The following SH3PXD2A variants were observed in gnomAD, a reference collection of about 807,000 sequenced individuals.
The protein encoded by SH3PXD2A is SH3 and PX domain-containing protein 2A.
In SH3PXD2A, 32 loss-of-function variants were observed where a neutral mutation model predicts 115.2. The observed-to-expected ratio is 0.28, with a 90% CI of 0.21 to 0.37. The LOEUF is 0.37. Among genes scored for constraint, SH3PXD2A ranks in the 10% least tolerant of loss-of-function variants. The pLI is 1.00. For missense variants in SH3PXD2A, 1,328 were observed against 1,498.7 expected (o/e 0.89, Z 1.88); for synonymous variants, 610 against 629.1 (o/e 0.97, Z 0.45).
rs1448192749 is a variant in SH3PXD2A, at chr10:103,644,120, A to C, written c.604+16863T>G. Among the ~76,000 whole-genome samples, 373 of 148,506 alleles carry C rather than the reference A, an allele frequency of 2.5e-3. 1 individual carries two copies. The highest frequency in any genetic ancestry group is 8.9e-3 in the African/African-American group (360 of 40,660). On this transcript the variant is annotated intron_variant, in intron 8 of 14. Transcript: ENST00000369774. Reference sequence around the variant, plus strand: ...ACAGAGCGAGGCTCCATCCCAAAAAAAAAAAAAAAAAAAAAAAAAGAATCT... The same window carrying C: ...ACAGAGCGAGGCTCCATCCCAAAAACAAAAAAAAAAAAAAAAAAAGAATCT...
intron 8 of SH3PXD2A, among the ~76,000 whole-genome samples, chr10:103,635,958 C>A (rs1390704030): frequency 6.6e-6 from 1 of 152,198 alleles, no homozygotes; most frequent in African/African-American, 2.4e-5. Flanking sequence ...GGAGGATGTC[C>A]CAGCCCCGGG....
chr10:103,806,258 C>T (rs1049733743), intron 1 of SH3PXD2A, among the ~76,000 whole-genome samples: 2 of 152,020 alleles, frequency 1.3e-5, no homozygotes, highest in Non-Finnish European at 2.9e-5. Flanking sequence ...TAGCAAGAGA[C>T]CTCCCTGGAG....
In SH3PXD2A at chr10:103,784,050, C is replaced by T. The variant is rs1362947807; in HGVS notation, c.154-16881G>A. Among the ~76,000 whole-genome samples the T allele has an allele frequency of 6.6e-6, 1 of 152,256 alleles. No homozygotes were observed. Among genetic ancestry groups the T allele is most frequent in the Non-Finnish European group, 1.5e-5 (1 of 68,040 alleles). On this transcript the variant is annotated intron_variant, in intron 2 of 14. Transcript: ENST00000369774. The surrounding 1 kb of genome is among the most constrained non-coding windows in gnomAD (Gnocchi z 4.4). ...GCCCACCCTGGTGCCCAGCTGCAGG[C>T]TACTTCTCCAGGTGGCAGCCCAGCT...
chr10:103,794,974 C>T (rs1325092185), intron 2 of SH3PXD2A, among the ~76,000 whole-genome samples: 1 of 152,172 alleles, frequency 6.6e-6, no homozygotes, highest in Non-Finnish European at 1.5e-5. Context: ...CAGGGGGCAA[C>T]TCAGGAAGGG....
intron 3 of SH3PXD2A, among the ~76,000 whole-genome samples, chr10:103,742,435 A>T (rs1387032893): frequency 2.0e-5 from 3 of 152,210 alleles, no homozygotes; most frequent in Non-Finnish European, 4.4e-5. Context: ...CCCTATATCC[A>T]GGATGATCTA....
intron 1 of SH3PXD2A, among the ~76,000 whole-genome samples, chr10:103,821,665 G>T (rs2039381757): frequency 6.6e-6 from 1 of 151,976 alleles, no homozygotes; most frequent in Non-Finnish European, 1.5e-5. Flanking sequence ...CCATCCTCCT[G>T]CCTCAGCTCC....
intron 8 of SH3PXD2A, among the ~76,000 whole-genome samples, chr10:103,651,264 C>A (rs185637931): frequency 6.6e-5 from 10 of 152,200 alleles, no homozygotes; most frequent in Non-Finnish European, 1.0e-4. Context: ...ACTGACCTAC[C>A]CACACAGACC....
intron 1 of SH3PXD2A, among the ~76,000 whole-genome samples, chr10:103,850,276 G>A (rs2134329947): frequency 6.6e-6 from 1 of 152,152 alleles, no homozygotes; most frequent in Admixed American, 6.5e-5. Context: ...TTTCTACCCT[G>A]GTTTGCCCCC....
chr10:103,791,461 C>A (rs7092722), intron 2 of SH3PXD2A, among the ~76,000 whole-genome samples: 110,345 of 152,042 alleles, frequency 0.73, 40,641 homozygotes, highest in East Asian at 0.96. Flanking sequence ...TATCTGACAA[C>A]TCCCAGCGGC....
At chr10:103,832,006 T>C (rs550092979) in intron 1 of SH3PXD2A, among the ~76,000 whole-genome samples, 7 of 152,344 alleles carry the variant, frequency 4.6e-5, no homozygotes, top group Admixed American at 2.0e-4. Context: ...TCCATTTTTA[T>C]GGCAGAATTA....
At chr10:103,637,002 C>T (rs2036877055) in intron 8 of SH3PXD2A, among the ~76,000 whole-genome samples, 1 of 152,218 alleles carries the variant, frequency 6.6e-6, no homozygotes, top group Non-Finnish European at 1.5e-5. Context: ...TGGGGATGCC[C>T]AGTGGCATCA....
At chr10:103,753,089 G>A (rs965176615) in intron 3 of SH3PXD2A, among the ~76,000 whole-genome samples, 2 of 152,004 alleles carry the variant, frequency 1.3e-5, no homozygotes, top group Non-Finnish European at 2.9e-5. Context: ...ACACCCTGGT[G>A]CAGGCAACAT....
intron 1 of SH3PXD2A, among the ~76,000 whole-genome samples, chr10:103,826,006 G>A (rs1198771141): frequency 2.6e-5 from 4 of 151,978 alleles, no homozygotes; most frequent in Non-Finnish European, 5.9e-5. Context: ...CTCGTGATCG[G>A]CCCACCTCGG....
chr10:103,600,779 A>G lies in SH3PXD2A; in HGVS notation c.*1037T>C, dbSNP rs2036203495. On this transcript the variant is annotated 3_prime_UTR_variant, in exon 15 of 15. Transcript: ENST00000369774. ...CGCCAAGCTCCAGCACAGTCCACAC[A>G]GTGGAAACCAAATGAAACGACTTTG... is the stretch of plus-strand genomic sequence containing the variant. 6.6e-6 allele frequency: 1 copy of G among 152,230 alleles called. No homozygotes were observed. The highest frequency in any genetic ancestry group is 2.1e-4 in the South Asian group (1 of 4,836). The allele number at this position is 152,230 out of a possible 1,614,324, so 9.4% of individuals were successfully genotyped here. A position where few individuals can be genotyped will look rare whatever the true frequency, so the allele number is the denominator to read the frequency against.
At chr10:103,804,092 G>C (rs1232987644) in intron 1 of SH3PXD2A, among the ~76,000 whole-genome samples, 2 of 152,078 alleles carry the variant, frequency 1.3e-5, no homozygotes, top group African/African-American at 4.8e-5. Flanking sequence ...AAGCCTCCAG[G>C]CAGCAGGCTT....
chr10:103,759,806 A>T (rs2134215979), intron 3 of SH3PXD2A, among the ~76,000 whole-genome samples: 1 of 152,314 alleles, frequency 6.6e-6, no homozygotes, highest in Middle Eastern at 3.4e-3. Context: ...ATTCCAAGTA[A>T]ACAGTAGGCT....
At chr10:103,853,999 T>A (rs1370386590) in intron 1 of SH3PXD2A, among the ~76,000 whole-genome samples, 2 of 152,184 alleles carry the variant, frequency 1.3e-5, no homozygotes, top group Admixed American at 1.3e-4. Context: ...CCCACCTCCC[T>A]GCCTAGTCAA....
intron 3 of SH3PXD2A, among the ~76,000 whole-genome samples, chr10:103,738,522 GC>G (rs1196507596): frequency 6.6e-6 from 1 of 152,058 alleles, no homozygotes; most frequent in Non-Finnish European, 1.5e-5. Context: ...CAGCGGTCCA[GC>G]CGTATGAGCA....
intron 1 of SH3PXD2A, among the ~76,000 whole-genome samples, chr10:103,820,073 G>C (rs1041074323): frequency 6.6e-6 from 1 of 152,160 alleles, no homozygotes; most frequent in Non-Finnish European, 1.5e-5. Context: ...TGCAGGGAGC[G>C]TTAGCGACTT....
Sources: gnomAD v4.1 joint callset for allele counts (sites outside exome capture counted in the v4.1 genomes callset) on GRCh38, gnomAD v4.1.1 for gene constraint, Gnocchi (gnomAD v3.1) non-coding constraint, MANE v1.5 for transcripts, NCBI Gene and HGNC (gene_info 2026-07-23, HGNC 2026-07-21) for gene names.